AGBL4: variants seen among roughly 807,000 people sequenced by gnomAD.
AGBL4 encodes cytosolic carboxypeptidase 6.
A neutral mutation model predicts 66.4 loss-of-function variants in AGBL4; 58 were observed. The observed-to-expected ratio is 0.87, with a 90% CI of 0.71 to 1.09. The LOEUF is 1.09. Among genes scored for constraint, AGBL4 ranks in the 50% least tolerant of loss-of-function variants. AGBL4 has a pLI of 0.00. For missense variants in AGBL4, 579 were observed against 631.0 expected, an observed-to-expected ratio of 0.92 and a Z score of 0.88; for synonymous variants, 234 against 222.9, an observed-to-expected ratio of 1.05 and a Z score of -0.44.
At chr1:48,961,759 A>G (rs968200016) in intron 5 of AGBL4, among the ~76,000 whole-genome samples, 6 of 152,354 alleles carry the variant, frequency 3.9e-5, no homozygotes, top group Middle Eastern at 3.4e-3. Context: ...AGAGGCCAGG[A>G]CAACAGCAGT....
intron 2 of AGBL4, among the ~76,000 whole-genome samples, chr1:49,817,659 G>A (rs752634032): frequency 2.6e-5 from 4 of 152,058 alleles, no homozygotes; most frequent in Non-Finnish European, 5.9e-5. Context: ...AAGAAAAAGT[G>A]TATACTCTTC....
chr1:49,547,071 C>T (rs1652546768), intron 3 of AGBL4, among the ~76,000 whole-genome samples: 1 of 152,192 alleles, frequency 6.6e-6, no homozygotes. Flanking sequence ...GTCATGAAAT[C>T]CTTCCCTAAG....
At chr1:49,371,410 A>G (rs1212222911) in intron 3 of AGBL4, among the ~76,000 whole-genome samples, 2 of 152,096 alleles carry the variant, frequency 1.3e-5, no homozygotes, top group African/African-American at 4.8e-5. Flanking sequence ...TTGTTTTACA[A>G]CTGTACATAC....
At chr1:49,835,069 C>T (rs893862845) in intron 2 of AGBL4, among the ~76,000 whole-genome samples, 2 of 152,092 alleles carry the variant, frequency 1.3e-5, no homozygotes, top group Non-Finnish European at 2.9e-5. Context: ...GTGGAGAGTT[C>T]TGTCGATGTC....
chr1:49,500,868 T>TC (rs1354548000), intron 3 of AGBL4, among the ~76,000 whole-genome samples: 1 of 151,746 alleles, frequency 6.6e-6, no homozygotes, highest in Non-Finnish European at 1.5e-5. Context: ...CGGGCTGTTT[T>TC]TAATTCCATA....
intron 6 of AGBL4, among the ~76,000 whole-genome samples, chr1:48,861,210 C>T (rs985676574): frequency 1.3e-5 from 2 of 151,988 alleles, no homozygotes; most frequent in Admixed American, 6.6e-5. Context: ...AAAATCAGTG[C>T]AGTAAGACAA....
intron 6 of AGBL4, among the ~76,000 whole-genome samples, chr1:48,843,843 A>G (rs1316735804): frequency 6.6e-6 from 1 of 152,062 alleles, no homozygotes; most frequent in Non-Finnish European, 1.5e-5. Context: ...CATGCTGAGA[A>G]CTTTTCTCTC....
intron 5 of AGBL4, among the ~76,000 whole-genome samples, chr1:48,939,214 G>T (rs1385185135): frequency 6.6e-6 from 1 of 152,154 alleles, no homozygotes; most frequent in East Asian, 1.9e-4. Context: ...AACAATTCCT[G>T]GCACAAAGGA....
intron 2 of AGBL4, among the ~76,000 whole-genome samples, chr1:49,711,808 A>C (rs938703242): frequency 6.6e-6 from 1 of 152,090 alleles, no homozygotes; most frequent in African/African-American, 2.4e-5. Context: ...AATAACAGCT[A>C]TCTTAAATTT....
rs757297174 is a variant in AGBL4 at position 50,017,719 on chromosome 1, C to T, written c.34+6044G>A. On this transcript the variant is annotated intron_variant, in intron 1 of 13. Transcript: ENST00000371839. ...GAGACAAAGAAGGGAACAAAAGACA[C>T]CAAGACCTGCTTTAGGGTAGAGAGG... is the stretch of plus-strand genomic sequence containing the variant. Among the ~76,000 whole-genome samples the T allele has an allele frequency of 9.9e-5, 15 of 152,094 alleles. 2 individuals carry two copies. The highest frequency in any genetic ancestry group is 6.8e-3 in the Middle Eastern group (2 of 294).
chr1:48,762,611 GTT>G (rs373279256), intron 6 of AGBL4, among the ~76,000 whole-genome samples: 973 of 89,714 alleles, frequency 0.011, 6 homozygotes, highest in South Asian at 0.064. Context: ...GTCTTTAAGG[GTT>G]TTGTGTGTGT....
chr1:49,354,186 G>A (rs1364759697), intron 3 of AGBL4, among the ~76,000 whole-genome samples: 2 of 152,182 alleles, frequency 1.3e-5, no homozygotes, highest in Non-Finnish European at 2.9e-5. Flanking sequence ...CTGCCCATCT[G>A]TGGGCTCCCC....
chr1:48,909,723 A>G (rs754571723), intron 5 of AGBL4, among the ~76,000 whole-genome samples: 3 of 152,248 alleles, frequency 2.0e-5, no homozygotes, highest in Non-Finnish European at 4.4e-5. Context: ...AATGCAGTAG[A>G]AAGAGAAATA....
chr1:49,114,917 T>C (rs113652262), intron 4 of AGBL4, among the ~76,000 whole-genome samples: 5 of 152,078 alleles, frequency 3.3e-5, no homozygotes, highest in African/African-American at 9.7e-5. Context: ...ATAGCAGATA[T>C]AATAATAATG....
At chr1:49,928,099 T>C (rs1169014655) in intron 1 of AGBL4, among the ~76,000 whole-genome samples, 2 of 152,052 alleles carry the variant, frequency 1.3e-5, no homozygotes, top group African/African-American at 4.8e-5. Context: ...AAGATTCACA[T>C]TGAACATTGT....
chr1:49,539,279 T>C (rs941124574), intron 3 of AGBL4, among the ~76,000 whole-genome samples: 1 of 152,222 alleles, frequency 6.6e-6, no homozygotes, highest in Admixed American at 6.5e-5. Context: ...TTAAGGAATA[T>C]GTGTTTTTGC....
At chr1:48,543,427 CATCT>C (rs1049333457) in intron 11 of AGBL4, among the ~76,000 whole-genome samples, 4 of 144,766 alleles carry the variant, frequency 2.8e-5, no homozygotes, top group South Asian at 4.5e-4. Flanking sequence ...TCCATCCATC[CATCT>C]ACCCGTCCAT....
At chr1:50,001,513 A>ATATG (rs1485046336) in intron 1 of AGBL4, among the ~76,000 whole-genome samples, 1 of 151,212 alleles carries the variant, frequency 6.6e-6, no homozygotes, top group East Asian at 1.9e-4. Flanking sequence ...GTGTGTATAT[A>ATATG]TATATATATA....
At chr1:48,880,608 C>G (rs946373616) in intron 5 of AGBL4, among the ~76,000 whole-genome samples, 3 of 152,174 alleles carry the variant, frequency 2.0e-5, no homozygotes, top group African/African-American at 7.2e-5. Context: ...TCCCTGTTCA[C>G]TGCATCCATG....
Sources: gnomAD v4.1 joint callset for allele counts (sites outside exome capture counted in the v4.1 genomes callset) on GRCh38, gnomAD v4.1.1 for gene constraint, MANE v1.5 for transcripts, NCBI Gene and HGNC (gene_info 2026-07-23, HGNC 2026-07-21) for gene names.